RIMBP2: variants seen among roughly 807,000 people sequenced by gnomAD.
RIMBP2 encodes RIMS-binding protein 2.
A neutral mutation model predicts 118.6 loss-of-function variants in RIMBP2; 48 were observed. The observed-to-expected ratio is 0.40, with a 90% confidence interval of 0.32 to 0.51. RIMBP2 has a LOEUF of 0.51. RIMBP2 is among the 20% of genes least tolerant of loss of function. The pLI is 0.41. For missense variants in RIMBP2, 1,551 were observed against 1,768.3 expected, an observed-to-expected ratio of 0.88 and a Z score of 2.20; for synonymous variants, 762 against 742.9, an observed-to-expected ratio of 1.03 and a Z score of -0.42.
chr12:130,468,687 G>A (rs1048869669), intron 6 of RIMBP2, among the ~76,000 whole-genome samples: 9 of 152,310 alleles, frequency 5.9e-5, no homozygotes, highest in African/African-American at 2.2e-4. Context: ...GGAAGGTTGT[G>A]AGGCTCAGGC....
chr12:130,554,471 T>C (rs2139776592), intron 2 of RIMBP2, among the ~76,000 whole-genome samples: 1 of 152,308 alleles, frequency 6.6e-6, no homozygotes, highest in South Asian at 2.1e-4. Context: ...ATGAAATGGA[T>C]ACAATATACG....
chr12:130,691,515 T>A (rs2065304949), intron 1 of RIMBP2, among the ~76,000 whole-genome samples: 1 of 151,840 alleles, frequency 6.6e-6, no homozygotes. Context: ...CCAAAAAAAA[T>A]ACAAAAATTA....
chr12:130,549,056 T>C (rs1204367847), intron 2 of RIMBP2, among the ~76,000 whole-genome samples: 1 of 152,248 alleles, frequency 6.6e-6, no homozygotes, highest in Non-Finnish European at 1.5e-5. Flanking sequence ...AATTCTATTC[T>C]ACCCCTAATT....
intron 1 of RIMBP2, among the ~76,000 whole-genome samples, chr12:130,648,935 C>T (rs1223022859): frequency 2.7e-5 from 4 of 145,888 alleles, no homozygotes; most frequent in Admixed American, 1.4e-4. Context: ...GGATTCCAGG[C>T]GTGAGCCGCC....
chr12:130,530,866 G>A (rs142654568), intron 2 of RIMBP2, among the ~76,000 whole-genome samples: 219 of 152,228 alleles, frequency 1.4e-3, no homozygotes, highest in African/African-American at 4.9e-3. Context: ...TCAGTTATAT[G>A]AGCAACTGAA....
chr12:130,638,858 G>T (rs1362914707), intron 1 of RIMBP2, among the ~76,000 whole-genome samples: 1 of 152,118 alleles, frequency 6.6e-6, no homozygotes, highest in Non-Finnish European at 1.5e-5. Context: ...GAACTACAGG[G>T]TCTGATGCTA....
rs891093525 is a variant in RIMBP2, at chr12:130,475,973, AC to A, written c.102+2938del. On this transcript the variant is annotated intron_variant, in intron 5 of 22. Coordinates refer to ENST00000690449, the MANE Select transcript of RIMBP2 (RefSeq NM_001393629.1). The surrounding 1 kb of genome is among the most constrained non-coding windows in gnomAD (Gnocchi z 4.1). ...GGCATCGTCTGGCTTCCGGGTCTAA[AC>A]CCGGGAGTTACCACGCAGAGGTGGT... 3.3e-5 allele frequency among the ~76,000 whole-genome samples: 5 copies of A among 151,988 alleles called. No individual in the cohort carries two copies. Among genetic ancestry groups the A allele is most frequent in the African/African-American group, 1.2e-4 (5 of 41,394 alleles).
At chr12:130,649,177 CGGAG>C (rs2136254730) in intron 1 of RIMBP2, among the ~76,000 whole-genome samples, 1 of 146,056 alleles carries the variant, frequency 6.8e-6, no homozygotes, top group East Asian at 1.9e-4. Flanking sequence ...AGAGAGCAAC[CGGAG>C]GGACAGAACC....
intron 1 of RIMBP2, among the ~76,000 whole-genome samples, chr12:130,689,128 A>G (rs1485612557): frequency 1.3e-5 from 2 of 152,160 alleles, no homozygotes; most frequent in East Asian, 3.9e-4. Context: ...CCTCCATGCC[A>G]ACACAGCTGC....
chr12:130,662,466 G>A (rs2063704018), intron 1 of RIMBP2, among the ~76,000 whole-genome samples: 2 of 152,060 alleles, frequency 1.3e-5, no homozygotes, highest in African/African-American at 4.8e-5. Context: ...GACCATCCTG[G>A]CCAACATGGT....
At chr12:130,400,494 A>G (rs1441921860) in intron 21 of RIMBP2, among the ~76,000 whole-genome samples, 1 of 152,130 alleles carries the variant, frequency 6.6e-6, no homozygotes, top group African/African-American at 2.4e-5. Flanking sequence ...GGTCATCTGC[A>G]CCAAGTGGCT....
At chr12:130,478,624 T>G (rs1329328962) in intron 5 of RIMBP2, among the ~76,000 whole-genome samples, 1 of 152,192 alleles carries the variant, frequency 6.6e-6, no homozygotes, top group Non-Finnish European at 1.5e-5. Context: ...GCGGAAGCAA[T>G]TCACACCCTG....
chr12:130,542,839 C>G (rs1057498853), intron 2 of RIMBP2, among the ~76,000 whole-genome samples: 16 of 152,190 alleles, frequency 1.1e-4, no homozygotes, highest in African/African-American at 3.6e-4. Context: ...AATAGGAACA[C>G]AACTTGTTTA....
chr12:130,520,499 T>TA (rs1232159739), intron 2 of RIMBP2, among the ~76,000 whole-genome samples: 2 of 149,930 alleles, frequency 1.3e-5, no homozygotes, highest in African/African-American at 5.0e-5. Context: ...CCGCCTCTAC[T>TA]AAAAACACAC....
chr12:130,590,106 G>A (rs1483595492), intron 2 of RIMBP2, among the ~76,000 whole-genome samples: 1 of 152,152 alleles, frequency 6.6e-6, no homozygotes, highest in Non-Finnish European at 1.5e-5. Context: ...TCTTCCTGCA[G>A]ACGCTTCTAC....
intron 1 of RIMBP2, among the ~76,000 whole-genome samples, chr12:130,642,964 A>C (rs1566418292): frequency 6.6e-6 from 1 of 152,214 alleles, no homozygotes; most frequent in East Asian, 1.9e-4. Context: ...TTCTTTCCCC[A>C]GAATGGCATG....
chr12:130,454,095 T>A (rs1272734795), intron 7 of RIMBP2, among the ~76,000 whole-genome samples: 2 of 152,120 alleles, frequency 1.3e-5, no homozygotes, highest in Non-Finnish European at 2.9e-5. Flanking sequence ...ATTATAGACT[T>A]GAAGTTTACA....
At position 130,422,852 on chromosome 12, in the gene RIMBP2, C is replaced by T. The variant is rs1032863485; in HGVS notation, c.3130-291G>A. 6.6e-6 allele frequency among the ~76,000 whole-genome samples: 1 copy of T among 152,116 alleles called. No individual in the cohort carries two copies. The highest frequency in any genetic ancestry group is 2.4e-5 in the African/African-American group (1 of 41,422). On this transcript the variant is annotated intron_variant, in intron 16 of 22. Transcript: ENST00000690449. This position sits in a 1 kb window ranked among gnomAD's most constrained non-coding sequence, Gnocchi z 5.2. ...GGTGCTGAAGACAAATGTTTTGGGACCAAAGAGACAATGGCTTGAATACAT... is the reference window on the plus strand; with the variant it reads ...GGTGCTGAAGACAAATGTTTTGGGATCAAAGAGACAATGGCTTGAATACAT...
intron 2 of RIMBP2, among the ~76,000 whole-genome samples, chr12:130,561,300 CAG>C: frequency 6.6e-6 from 1 of 152,308 alleles, no homozygotes; most frequent in Non-Finnish European, 1.5e-5. Context: ...AATGAATACA[CAG>C]AGACACTTAT....
Sources: gnomAD v4.1 joint callset for allele counts (sites outside exome capture counted in the v4.1 genomes callset) on GRCh38, gnomAD v4.1.1 for gene constraint, Gnocchi (gnomAD v3.1) non-coding constraint, MANE v1.5 for transcripts, NCBI Gene and HGNC (gene_info 2026-07-23, HGNC 2026-07-21) for gene names.